Variants in MACROD2 observed in about 807,000 individuals in gnomAD.
MACROD2 encodes the protein ADP-ribose glycohydrolase MACROD2.
In MACROD2, 36 loss-of-function variants were observed where a neutral mutation model predicts 70.4. The ratio of observed to expected loss-of-function variants is 0.51; its 90% CI spans 0.39 to 0.68. The LOEUF (loss-of-function observed/expected upper bound fraction) is 0.68, where lower values mean the gene tolerates loss of function less well. Ranked by LOEUF, MACROD2 falls within the 30% of genes least tolerant of loss-of-function variation. The pLI is 0.00. For missense variants in MACROD2, 496 were observed against 538.4 expected, an observed-to-expected ratio of 0.92 and a Z score of 0.78; for synonymous variants, 172 against 178.8, an observed-to-expected ratio of 0.96 and a Z score of 0.30.
At chr20:14,807,498 A>G (rs946728371) in intron 5 of MACROD2, among the ~76,000 whole-genome samples, 1 of 152,150 alleles carries the variant, frequency 6.6e-6, no homozygotes, top group African/African-American at 2.4e-5. Context: ...ACGAGTGCCA[A>G]AAGGTGAAAA....
At chr20:15,462,388 A>C (rs1251962558) in intron 7 of MACROD2, among the ~76,000 whole-genome samples, 1 of 152,202 alleles carries the variant, frequency 6.6e-6, no homozygotes, top group Non-Finnish European at 1.5e-5. Context: ...AGCCTGAGGA[A>C]TATATTTCAA....
chr20:14,156,900 A>G (rs139928373), intron 3 of MACROD2, among the ~76,000 whole-genome samples: 2,790 of 152,280 alleles, frequency 0.018, 32 homozygotes, highest in Non-Finnish European at 0.027. Context: ...ATGGTTTTCC[A>G]TCCTGCAGGA....
At chr20:14,923,154 G>T (rs990075346) in intron 5 of MACROD2, among the ~76,000 whole-genome samples, 1 of 152,062 alleles carries the variant, frequency 6.6e-6, no homozygotes, top group Non-Finnish European at 1.5e-5. Flanking sequence ...CAACCTCGCT[G>T]GCTGTTTCTT....
At chr20:15,542,182 C>T (rs1444191139) in intron 8 of MACROD2, among the ~76,000 whole-genome samples, 4 of 152,218 alleles carry the variant, frequency 2.6e-5, no homozygotes, top group Admixed American at 6.5e-5. Flanking sequence ...GTCAGATCGA[C>T]ATCTTCATAT....
chr20:15,287,652 G>A (rs574780605), intron 6 of MACROD2, among the ~76,000 whole-genome samples: 2 of 152,328 alleles, frequency 1.3e-5, no homozygotes, highest in East Asian at 3.9e-4. Flanking sequence ...GAGATGGGAA[G>A]TCACCCTAGA....
intron 8 of MACROD2, among the ~76,000 whole-genome samples, chr20:15,601,728 T>C (rs2048822814): frequency 6.6e-6 from 1 of 152,204 alleles, no homozygotes; most frequent in African/African-American, 2.4e-5. Flanking sequence ...CAGGTAAATT[T>C]GTTTAAAAGT....
intron 4 of MACROD2, among the ~76,000 whole-genome samples, chr20:14,503,069 A>G (rs1600310932): frequency 6.6e-6 from 1 of 152,206 alleles, no homozygotes; most frequent in East Asian, 1.9e-4. Flanking sequence ...CTCTTAAGGT[A>G]TGTGAAAAGA....
At chr20:14,892,383 G>A (rs561164938) in intron 5 of MACROD2, among the ~76,000 whole-genome samples, 44 of 152,174 alleles carry the variant, frequency 2.9e-4, no homozygotes, top group African/African-American at 9.9e-4. Context: ...GCTGAGACAC[G>A]AGAATCACTT....
chr20:14,414,303 G>A (rs1233690404), intron 3 of MACROD2, among the ~76,000 whole-genome samples: 1 of 152,002 alleles, frequency 6.6e-6, no homozygotes, highest in African/African-American at 2.4e-5. Flanking sequence ...TCTTCCTGTC[G>A]TACAAGCCCC....
rs7270429 is a variant in MACROD2, at chr20:14,245,188, C to A, written c.271+159460C>A. 1.0e-3 allele frequency among the ~76,000 whole-genome samples: 157 copies of A among 152,070 alleles called. 1 individual carries two copies. The highest frequency in any genetic ancestry group is 3.4e-3 in the African/African-American group (140 of 41,502). Reference sequence around the variant, plus strand: ...GACCATCCTGGCTAACAAGGTGAAACCCCGTCTCTACTAAAAATACACAAA... The same window carrying A: ...GACCATCCTGGCTAACAAGGTGAAAACCCGTCTCTACTAAAAATACACAAA... On this transcript the variant is annotated intron_variant, in intron 3 of 17. Coordinates refer to ENST00000684519, the MANE Select transcript of MACROD2 (RefSeq NM_001351661.2).
At chr20:15,735,323 T>A (rs1238219396) in intron 8 of MACROD2, among the ~76,000 whole-genome samples, 1 of 152,110 alleles carries the variant, frequency 6.6e-6, no homozygotes, top group Non-Finnish European at 1.5e-5. Context: ...AGTGGTTAAT[T>A]TATTTGTTTG....
At chr20:14,897,219 C>G (rs1227613429) in intron 5 of MACROD2, among the ~76,000 whole-genome samples, 1 of 152,092 alleles carries the variant, frequency 6.6e-6, no homozygotes, top group South Asian at 2.1e-4. Context: ...TGACTGCAGA[C>G]AGGTTTCAGT....
At chr20:14,889,464 T>G (rs1387354159) in intron 5 of MACROD2, among the ~76,000 whole-genome samples, 1 of 152,052 alleles carries the variant, frequency 6.6e-6, no homozygotes, top group Non-Finnish European at 1.5e-5. Flanking sequence ...AATCTAGGAT[T>G]CAATAAGAAA....
chr20:14,793,985 G>A (rs948206065), intron 5 of MACROD2, among the ~76,000 whole-genome samples: 5 of 152,170 alleles, frequency 3.3e-5, no homozygotes, highest in Middle Eastern at 3.4e-3. Context: ...GAATCTAACA[G>A]GGAGCCAGCT....
chr20:14,899,320 C>T (rs1474942341), intron 5 of MACROD2, among the ~76,000 whole-genome samples: 1 of 152,194 alleles, frequency 6.6e-6, no homozygotes, highest in Non-Finnish European at 1.5e-5. Context: ...AAGCACCACA[C>T]ACTGAGTGGA....
chr20:15,294,141 A>T (rs890408110), intron 6 of MACROD2, among the ~76,000 whole-genome samples: 10 of 150,132 alleles, frequency 6.7e-5, no homozygotes, highest in Non-Finnish European at 1.5e-4. Context: ...AAAAAAAAAA[A>T]TTCAGGAGTT....
intron 11 of MACROD2, among the ~76,000 whole-genome samples, chr20:15,936,665 A>ATGTG (rs1232616394): frequency 2.3e-4 from 9 of 38,668 alleles, no homozygotes; most frequent in Admixed American, 9.3e-4. Context: ...TAATGTGTAT[A>ATGTG]TGTGTGTATA....
chr20:14,561,749 C>T (rs1275966124), intron 4 of MACROD2, among the ~76,000 whole-genome samples: 5 of 151,680 alleles, frequency 3.3e-5, no homozygotes, highest in Non-Finnish European at 5.9e-5. Context: ...AATGACAAAT[C>T]GAAATCTGTC....
intron 12 of MACROD2, among the ~76,000 whole-genome samples, chr20:15,939,829 A>G (rs1372862113): frequency 3.3e-5 from 5 of 152,134 alleles, no homozygotes; most frequent in South Asian, 4.1e-4. Context: ...CAAAATATCA[A>G]CGTTAACAAG....
Sources: gnomAD v4.1 joint callset for allele counts (sites outside exome capture counted in the v4.1 genomes callset) on GRCh38, gnomAD v4.1.1 for gene constraint, MANE v1.5 for transcripts, NCBI Gene and HGNC (gene_info 2026-07-23, HGNC 2026-07-21) for gene names.